Variants in C1orf21 observed in about 807,000 individuals in gnomAD.
C1orf21 encodes uncharacterized protein C1orf21.
Under a neutral mutation model 18.7 loss-of-function variants are expected in C1orf21, and 3 were observed. That is an observed-to-expected ratio of 0.16 (90% confidence interval 0.07 to 0.42). The LOEUF (loss-of-function observed/expected upper bound fraction) is 0.42. Ranked by LOEUF, C1orf21 falls within the 10% of genes least tolerant of loss-of-function variation. The pLI, the probability that C1orf21 is intolerant of heterozygous loss-of-function variation, is 0.99. For synonymous variants in C1orf21, 41 were observed against 46.4 expected (o/e 0.88, Z 0.47); for missense variants, 104 against 143.6 (o/e 0.72, Z 1.41).
chr1:184,497,694 C>T (rs1657912750), intron 2 of C1orf21, among the ~76,000 whole-genome samples: 1 of 152,178 alleles, frequency 6.6e-6, no homozygotes, highest in Non-Finnish European at 1.5e-5. Context: ...CTGAAAATGA[C>T]TCTGTCCAGT....
intron 1 of C1orf21, among the ~76,000 whole-genome samples, chr1:184,465,816 T>C (rs1657385873): frequency 6.6e-6 from 1 of 152,202 alleles, no homozygotes; most frequent in African/African-American, 2.4e-5. Context: ...TGTCATCAAG[T>C]CACACCTTTA....
intron 1 of C1orf21, among the ~76,000 whole-genome samples, chr1:184,397,259 G>A (rs911613378): frequency 3.9e-5 from 6 of 152,294 alleles, no homozygotes; most frequent in African/African-American, 1.2e-4. Flanking sequence ...TTTATTTGAT[G>A]GGAATATATC....
intron 2 of C1orf21, among the ~76,000 whole-genome samples, chr1:184,504,476 T>C (rs1484667262): frequency 1.3e-5 from 2 of 152,228 alleles, no homozygotes; most frequent in African/African-American, 4.8e-5. Context: ...TTGGTAGTGA[T>C]TGTTTTACTG....
Position 184,423,859 on chromosome 1 carries a change from GTCC to G in C1orf21, c.-125+36492_-125+36494del, listed in dbSNP as rs1656586406. The stretch of plus-strand genomic sequence containing the variant: ...CCCTCCACTCATCCATCCACCCATC[GTCC>G]ATCCATCCATCCATCCATCCATCCA... On this transcript the variant is annotated intron_variant, in intron 1 of 5. Transcript: ENST00000235307. 6.1e-5 allele frequency among the ~76,000 whole-genome samples: 9 copies of G among 147,074 alleles called. 1 individual carries two copies. The highest frequency in any genetic ancestry group is 4.1e-4 in the Admixed American group (6 of 14,674).
chr1:184,529,100 G>A (rs779431110), intron 3 of C1orf21, among the ~76,000 whole-genome samples: 4 of 151,988 alleles, frequency 2.6e-5, no homozygotes, highest in African/African-American at 2.4e-5. Context: ...AATTCTTGCC[G>A]ATTTACTTAA....
intron 4 of C1orf21, among the ~76,000 whole-genome samples, chr1:184,597,421 G>GC (rs1558011342): frequency 6.6e-6 from 1 of 152,058 alleles, no homozygotes; most frequent in African/African-American, 2.4e-5. Flanking sequence ...CCTCCTTGTG[G>GC]CCCCTAAAGG....
intron 3 of C1orf21, among the ~76,000 whole-genome samples, chr1:184,509,170 A>C (rs1466165906): frequency 6.6e-6 from 1 of 152,196 alleles, no homozygotes; most frequent in Admixed American, 6.5e-5. Flanking sequence ...TCTAGAACCA[A>C]AGAAGCAACA....
chr1:184,470,925 C>CTGCCAT (rs1295889423), intron 1 of C1orf21, among the ~76,000 whole-genome samples: 1 of 151,872 alleles, frequency 6.6e-6, no homozygotes, highest in Non-Finnish European at 1.5e-5. Flanking sequence ...CCAGGAATAT[C>CTGCCAT]TGCCATTGCC....
At chr1:184,532,063 A>G (rs1658470174) in intron 3 of C1orf21, among the ~76,000 whole-genome samples, 1 of 150,802 alleles carries the variant, frequency 6.6e-6, no homozygotes, top group Admixed American at 6.6e-5. Context: ...TAATTTAGGG[A>G]GAGGAAGCTC....
chr1:184,463,754 A>AG (rs1177406047), intron 1 of C1orf21, among the ~76,000 whole-genome samples: 1 of 152,264 alleles, frequency 6.6e-6, no homozygotes, highest in Non-Finnish European at 1.5e-5. Flanking sequence ...CAAAAGGAAG[A>AG]GGACTCCCTG....
chr1:184,577,956 T>TG (rs1659218359), intron 3 of C1orf21, among the ~76,000 whole-genome samples: 1 of 144,180 alleles, frequency 6.9e-6, no homozygotes, highest in Non-Finnish European at 1.5e-5. Context: ...TGTTTTTGTT[T>TG]TTTTTTTTTT....
At position 184,621,041 on chromosome 1, in the gene C1orf21, G is replaced by A. The variant is rs1227363747; in HGVS notation, c.*1485G>A. ...TCTTTTGGAGTTGTGACTTTGAAGG[G>A]CCTCAATATTAGCCACACTGCCGCC... On this transcript the variant is annotated 3_prime_UTR_variant, in exon 6 of 6. Coordinates refer to ENST00000235307, the MANE Select transcript of C1orf21 (RefSeq NM_030806.4). 6.6e-6 allele frequency: 1 copy of A among 152,540 alleles called. No individual in the cohort carries two copies. The highest frequency in any genetic ancestry group is 1.5e-5 in the Non-Finnish European group (1 of 68,038). The allele number at this position is 152,540 out of a possible 1,614,324, so 9.4% of individuals were successfully genotyped here.
Position 184,410,637 on chromosome 1 carries a change from ATATATATATATATATATATATATATATTT to A in C1orf21, c.-125+23271_-125+23299del, listed in dbSNP as rs1182648927. Among the ~76,000 whole-genome samples, 4 of 3,650 alleles carry A rather than the reference ATATATATATATATATATATATATATATTT, an allele frequency of 1.1e-3. 1 individual carries two copies. The highest frequency in any genetic ancestry group is 0.013 in the African/African-American group (2 of 152). The allele number at this position is 3,650 out of a possible 152,430, so 2.4% of individuals were successfully genotyped here. A position where few individuals can be genotyped will look rare whatever the true frequency, so the allele number is the denominator to read the frequency against. ...ATATATTATATATATATATATATAT[ATATATATATATATATATATATATATATTT>A]TTTTTTTTTTTTTTTGAGATGGAGT... On this transcript the variant is annotated intron_variant, in intron 1 of 5. Transcript: ENST00000235307.
intron 1 of C1orf21, among the ~76,000 whole-genome samples, chr1:184,439,517 A>C (rs1640829328): frequency 6.6e-6 from 1 of 152,038 alleles, no homozygotes. Flanking sequence ...CACACATACA[A>C]GACACCAGAG....
At chr1:184,388,401 C>G (rs1167780635) in intron 1 of C1orf21, among the ~76,000 whole-genome samples, 1 of 152,168 alleles carries the variant, frequency 6.6e-6, no homozygotes, top group African/African-American at 2.4e-5. Flanking sequence ...AGTCGGTGAC[C>G]TATGGGATCT....
chr1:184,431,721 C>T (rs1210598574), intron 1 of C1orf21, among the ~76,000 whole-genome samples: 1 of 152,096 alleles, frequency 6.6e-6, no homozygotes, highest in Non-Finnish European at 1.5e-5. Flanking sequence ...ATCTATCCAT[C>T]TTACAAAGGG....
At chr1:184,474,505 G>T (rs887874391) in intron 1 of C1orf21, among the ~76,000 whole-genome samples, 2 of 152,166 alleles carry the variant, frequency 1.3e-5, no homozygotes, top group Non-Finnish European at 2.9e-5. Flanking sequence ...ATTTTTTTGT[G>T]CAAACACAAC....
intron 3 of C1orf21, among the ~76,000 whole-genome samples, chr1:184,553,283 G>A (rs906093719): frequency 2.0e-5 from 3 of 152,122 alleles, no homozygotes; most frequent in Non-Finnish European, 4.4e-5. Context: ...ATATCTGCTG[G>A]ATTTCCATTA....
At chr1:184,566,747 C>A in intron 3 of C1orf21, 1 of 392,098 alleles carries the variant, frequency 2.6e-6, no homozygotes, top group South Asian at 2.3e-5. Flanking sequence ...CAGATGATTC[C>A]TGGCAGGAAA....
Sources: gnomAD v4.1 joint callset for allele counts (sites outside exome capture counted in the v4.1 genomes callset) on GRCh38, gnomAD v4.1.1 for gene constraint, MANE v1.5 for transcripts, NCBI Gene and HGNC (gene_info 2026-07-23, HGNC 2026-07-21) for gene names.